Variants in PLXNA4 observed in about 807,000 individuals in gnomAD.
PLXNA4 encodes the protein plexin-A4.
A neutral mutation model predicts 191.8 loss-of-function variants in PLXNA4; 44 were observed. The observed-to-expected ratio is 0.23, with a 90% CI of 0.18 to 0.29. The LOEUF (loss-of-function observed/expected upper bound fraction) is 0.29. Ranked by LOEUF, PLXNA4 falls within the 10% of genes least tolerant of loss-of-function variation. The probability of loss-of-function intolerance (pLI) is 1.00; values close to 1 mark genes in which losing one functional copy is unlikely to be tolerated. For synonymous variants in PLXNA4, 1,082 were observed against 1,009.5 expected (o/e 1.07, Z -1.36); for missense variants, 1,800 against 2,488.8 (o/e 0.72, Z 5.89).
At chr7:132,364,314 G>A (rs1229709391) in intron 3 of PLXNA4, among the ~76,000 whole-genome samples, 3 of 152,306 alleles carry the variant, frequency 2.0e-5, no homozygotes, top group East Asian at 1.9e-4. Flanking sequence ...CAAATAATGC[G>A]CTAACAAGAA....
chr7:132,587,906 T>C (rs1802531608), intron 2 of PLXNA4, among the ~76,000 whole-genome samples: 2 of 151,882 alleles, frequency 1.3e-5, no homozygotes, highest in African/African-American at 2.4e-5. Flanking sequence ...TTTTTATTTA[T>C]TTTTCTCTTT....
At chr7:132,254,508 T>C (rs10237001) in intron 4 of PLXNA4, among the ~76,000 whole-genome samples, 33,628 of 152,154 alleles carry the variant, frequency 0.22, 3,935 homozygotes, top group Non-Finnish European at 0.24. Context: ...CTCGGTTTCC[T>C]CCTATGCATA....
At chr7:132,566,049 CCAAA>C (rs1801708926) in intron 1 of PLXNA4, among the ~76,000 whole-genome samples, 1 of 152,148 alleles carries the variant, frequency 6.6e-6, no homozygotes, top group East Asian at 1.9e-4. Flanking sequence ...AGCTCAGTCA[CCAAA>C]CAGTTTAATG....
At chr7:132,634,239 T>C (rs1039373195) in intron 2 of PLXNA4, among the ~76,000 whole-genome samples, 4 of 152,104 alleles carry the variant, frequency 2.6e-5, no homozygotes, top group Non-Finnish European at 5.9e-5. Context: ...GGGTAGAGGA[T>C]ACTAAGTGAA....
chr7:132,269,369 G>A (rs140957619), intron 4 of PLXNA4, among the ~76,000 whole-genome samples: 6 of 89,660 alleles, frequency 6.7e-5, no homozygotes, highest in South Asian at 3.7e-4. Context: ...TGCCTCCCCC[G>A]CCCCCACCAT....
intron 3 of PLXNA4, among the ~76,000 whole-genome samples, chr7:132,363,159 G>A (rs1383329251): frequency 2.6e-5 from 4 of 151,934 alleles, no homozygotes; most frequent in African/African-American, 9.7e-5. Context: ...TAATTTTTGT[G>A]TTTTTAGTAG....
intron 3 of PLXNA4, among the ~76,000 whole-genome samples, chr7:132,308,491 G>A (rs1801609727): frequency 2.0e-5 from 3 of 152,084 alleles, no homozygotes; most frequent in South Asian, 4.2e-4. Flanking sequence ...CACTTTACAC[G>A]CATCAGCTCC....
chr7:132,536,245 T>C (rs938774853), intron 1 of PLXNA4, among the ~76,000 whole-genome samples: 2 of 152,238 alleles, frequency 1.3e-5, no homozygotes, highest in African/African-American at 2.4e-5. Flanking sequence ...ATTGCCATCA[T>C]GACTGTGTTA....
At chr7:132,326,101 AG>A (rs1264577014) in intron 3 of PLXNA4, among the ~76,000 whole-genome samples, 5 of 152,182 alleles carry the variant, frequency 3.3e-5, no homozygotes, top group East Asian at 3.9e-4. Flanking sequence ...CTTCCCAGTG[AG>A]GGGGGGTCTC....
intron 1 of PLXNA4, among the ~76,000 whole-genome samples, chr7:132,526,994 T>C (rs1055138563): frequency 6.6e-6 from 1 of 152,230 alleles, no homozygotes; most frequent in Non-Finnish European, 1.5e-5. Flanking sequence ...TGACTTGTTA[T>C]AGTAACTGTC....
At chr7:132,151,431 A>G (rs1471507178) in intron 25 of PLXNA4, among the ~76,000 whole-genome samples, 236 of 9,982 alleles carry the variant, frequency 0.024, no homozygotes, top group Non-Finnish European at 0.054. Flanking sequence ...GAGGAGGAGG[A>G]AGGAGGAGGA....
At chr7:132,164,591 C>T (rs962697828) in intron 23 of PLXNA4, among the ~76,000 whole-genome samples, 1 of 151,800 alleles carries the variant, frequency 6.6e-6, no homozygotes, top group Non-Finnish European at 1.5e-5. Context: ...CTCCTCTCTG[C>T]TCTCCCTCCC....
At chr7:132,636,809 A>G (rs1393636711) in intron 2 of PLXNA4, among the ~76,000 whole-genome samples, 2 of 152,186 alleles carry the variant, frequency 1.3e-5, no homozygotes, top group Non-Finnish European at 2.9e-5. Flanking sequence ...GGCCTCAGGC[A>G]CTGAATCATT....
rs767809805 is a variant in PLXNA4 at position 132,383,101 on chromosome 7, A to C, written c.1372-84879T>G. On this transcript the variant is annotated intron_variant, in intron 3 of 31. Coordinates refer to ENST00000321063, the MANE Select transcript of PLXNA4 (RefSeq NM_020911.2). The stretch of plus-strand genomic sequence containing the variant: ...TGTTGGCAGTCAGGTTTATCCCAGC[A>C]GTGGGGAAAGGCTCATATTGATCCC... Among the ~76,000 whole-genome samples, 320 of 152,310 alleles carry C rather than the reference A, an allele frequency of 2.1e-3. 2 individuals are homozygous for C. Among genetic ancestry groups the C allele is most frequent in the Non-Finnish European group, 2.5e-3 (168 of 68,038 alleles).
intron 3 of PLXNA4, among the ~76,000 whole-genome samples, chr7:132,357,783 T>C (rs912475294): frequency 6.6e-6 from 1 of 152,242 alleles, no homozygotes; most frequent in Admixed American, 6.5e-5. Flanking sequence ...CAGGGGATTT[T>C]ACTGCAGTGT....
At chr7:132,435,589 T>C (rs1218224978) in intron 3 of PLXNA4, among the ~76,000 whole-genome samples, 4 of 152,038 alleles carry the variant, frequency 2.6e-5, no homozygotes, top group African/African-American at 9.7e-5. Context: ...AAGTGGAAAG[T>C]GAAAGGAAGG....
At chr7:132,199,152 C>A (rs1261491796) in intron 12 of PLXNA4, among the ~76,000 whole-genome samples, 1 of 152,160 alleles carries the variant, frequency 6.6e-6, no homozygotes, top group Non-Finnish European at 1.5e-5. Context: ...GGCAACAATT[C>A]TTTGTGCCTG....
chr7:132,314,629 T>A (rs1801873769), intron 3 of PLXNA4, among the ~76,000 whole-genome samples: 1 of 152,184 alleles, frequency 6.6e-6, no homozygotes, highest in Non-Finnish European at 1.5e-5. Flanking sequence ...TTTTACAGGT[T>A]GTTACTCTGG....
chr7:132,465,403 G>T (rs1316544286), intron 3 of PLXNA4, among the ~76,000 whole-genome samples: 1 of 152,086 alleles, frequency 6.6e-6, no homozygotes, highest in East Asian at 1.9e-4. Flanking sequence ...CAAAGAAAAG[G>T]TTCTGTCTCT....
Sources: allele counts gnomAD v4.1 joint callset (sites outside exome capture counted in the v4.1 genomes callset), GRCh38; gene constraint gnomAD v4.1.1; transcripts MANE v1.5; gene names NCBI Gene and HGNC (gene_info 2026-07-23, HGNC 2026-07-21).